Variants in TTC28 observed in about 807,000 individuals in gnomAD.
The protein encoded by TTC28 is tetratricopeptide repeat domain 28.
In TTC28, 61 loss-of-function variants were observed where a neutral mutation model predicts 198.0. That is an observed-to-expected ratio of 0.31 (90% CI 0.25 to 0.38). The LOEUF (loss-of-function observed/expected upper bound fraction) is 0.38. TTC28 is among the 10% of genes least tolerant of loss of function. The pLI is 1.00. For missense variants in TTC28, 2,678 were observed against 3,164.0 expected (o/e 0.85, Z 3.69); for synonymous variants, 1,171 against 1,297.8 (o/e 0.90, Z 2.10).
At chr22:28,286,705 A>AT (rs2044692901) in intron 5 of TTC28, among the ~76,000 whole-genome samples, 1 of 152,222 alleles carries the variant, frequency 6.6e-6, no homozygotes, top group South Asian at 2.1e-4. Flanking sequence ...GGCTGAGCAA[A>AT]TAACACTGTT....
chr22:28,507,299 G>A (rs535268644), intron 2 of TTC28, among the ~76,000 whole-genome samples: 41 of 152,262 alleles, frequency 2.7e-4, no homozygotes, highest in Middle Eastern at 3.4e-3. Context: ...AGACCAAGCC[G>A]AGGAAAGACT....
chr22:28,258,308 T>A (rs1931097927), intron 5 of TTC28, among the ~76,000 whole-genome samples: 1 of 152,146 alleles, frequency 6.6e-6, no homozygotes, highest in African/African-American at 2.4e-5. Context: ...TTCAGTCTTG[T>A]TATTTTCCTT....
chr22:28,588,539 C>T (rs930234165), intron 2 of TTC28, among the ~76,000 whole-genome samples: 1 of 152,174 alleles, frequency 6.6e-6, no homozygotes, highest in African/African-American at 2.4e-5. Context: ...TTACTGGAAG[C>T]AGACACCACT....
At chr22:28,588,215 A>AT (rs944261567) in intron 2 of TTC28, among the ~76,000 whole-genome samples, 16 of 152,248 alleles carry the variant, frequency 1.1e-4, no homozygotes, top group Admixed American at 2.0e-4. Flanking sequence ...TAATTTTAAA[A>AT]ATATATATAA....
chr22:28,285,879 C>T (rs187047112), intron 5 of TTC28, among the ~76,000 whole-genome samples: 2 of 152,200 alleles, frequency 1.3e-5, no homozygotes, highest in Admixed American at 6.5e-5. Context: ...AACAACAAAA[C>T]CCAAAAAACT....
At chr22:28,464,619 A>G (rs2047994309) in intron 2 of TTC28, among the ~76,000 whole-genome samples, 2 of 152,134 alleles carry the variant, frequency 1.3e-5, no homozygotes, top group African/African-American at 4.8e-5. Flanking sequence ...CTTTGGAAGG[A>G]AAAAAAATCT....
At chr22:28,536,485 G>T (rs1214465368) in intron 2 of TTC28, among the ~76,000 whole-genome samples, 2 of 151,808 alleles carry the variant, frequency 1.3e-5, no homozygotes, top group Non-Finnish European at 2.9e-5. Flanking sequence ...TTAGCCAGAC[G>T]TGGTGGCAGG....
At chr22:28,205,976 A>G (rs1926367984) in intron 5 of TTC28, among the ~76,000 whole-genome samples, 1 of 150,574 alleles carries the variant, frequency 6.6e-6, no homozygotes, top group Non-Finnish European at 1.5e-5. Context: ...ACAAAACCCT[A>G]TGTAGCCATG....
In TTC28 at chr22:28,385,461, C is replaced by T. The variant is rs372465606; in HGVS notation, c.382-78818G>A. ...TTTTAATATACTTTTTTACAGTTTA[C>T]ATTTTTAGTTTTAGGTTCACAGCAA... On this transcript the variant is annotated intron_variant, in intron 2 of 22. Coordinates refer to ENST00000397906, the MANE Select transcript of TTC28 (RefSeq NM_001145418.2). Among the ~76,000 whole-genome samples, 41 of 151,712 alleles carry T rather than the reference C, an allele frequency of 2.7e-4. No individual in the cohort carries two copies. The East Asian group carries it at 7.2e-3, about 27-fold the overall frequency.
intron 2 of TTC28, among the ~76,000 whole-genome samples, chr22:28,542,198 T>G (rs1474344073): frequency 1.3e-5 from 2 of 151,962 alleles, no homozygotes; most frequent in African/African-American, 4.8e-5. Context: ...ACTCACTAGA[T>G]AAATTAACCA....
chr22:28,096,451 GCTTA>G (rs779452270), intron 10 of TTC28, 43 bp from the exon 11 acceptor site: 2 of 1,543,822 alleles, frequency 1.3e-6, no homozygotes, highest in South Asian at 1.2e-5. Flanking sequence ...TAGTGAGTGT[GCTTA>G]CTTAGAGAGG....
intron 2 of TTC28, among the ~76,000 whole-genome samples, chr22:28,590,639 A>G (rs915556799): frequency 3.9e-5 from 6 of 152,052 alleles, no homozygotes; most frequent in Non-Finnish European, 5.9e-5. Flanking sequence ...TTTAGAACAA[A>G]TCTGTAAGAA....
At chr22:28,525,545 G>C (rs1209651407) in intron 2 of TTC28, among the ~76,000 whole-genome samples, 7 of 152,182 alleles carry the variant, frequency 4.6e-5, no homozygotes, top group Non-Finnish European at 1.0e-4. Flanking sequence ...CTGAAATTAA[G>C]ATCACTCTAG....
At chr22:28,279,745 C>T (rs1169024585) in intron 5 of TTC28, among the ~76,000 whole-genome samples, 1 of 152,146 alleles carries the variant, frequency 6.6e-6, no homozygotes, top group East Asian at 1.9e-4. Context: ...TTCCCATCAC[C>T]ATATAAAGTA....
chr22:28,489,948 G>A (rs1423534980), intron 2 of TTC28, among the ~76,000 whole-genome samples: 1 of 152,144 alleles, frequency 6.6e-6, no homozygotes, highest in African/African-American at 2.4e-5. Flanking sequence ...GAGCCAGAGA[G>A]CCAGTCTGAG....
At chr22:28,424,195 A>C (rs1403011574) in intron 2 of TTC28, among the ~76,000 whole-genome samples, 1 of 152,216 alleles carries the variant, frequency 6.6e-6, no homozygotes, top group Admixed American at 6.5e-5. Flanking sequence ...GCTCTTAATA[A>C]TTACTTGCCC....
At chr22:28,132,669 T>C (rs1381887036) in intron 6 of TTC28, among the ~76,000 whole-genome samples, 1 of 152,204 alleles carries the variant, frequency 6.6e-6, no homozygotes, top group Non-Finnish European at 1.5e-5. Context: ...CTGAGAGCTT[T>C]ATTCAGATCA....
chr22:28,235,972 A>G (rs1472102940), intron 5 of TTC28, among the ~76,000 whole-genome samples: 1 of 152,212 alleles, frequency 6.6e-6, no homozygotes, highest in Non-Finnish European at 1.5e-5. Context: ...GCTTTCTAAG[A>G]GTCTTCATTG....
intron 12 of TTC28, among the ~76,000 whole-genome samples, chr22:28,064,929 G>C (rs1216714965): frequency 3.3e-5 from 5 of 152,186 alleles, no homozygotes; most frequent in African/African-American, 1.2e-4. Context: ...CCATGTGCAA[G>C]TATCACTTAT....
Sources: gnomAD v4.1 joint callset for allele counts (sites outside exome capture counted in the v4.1 genomes callset) on GRCh38, gnomAD v4.1.1 for gene constraint, MANE v1.5 for transcripts, NCBI Gene and HGNC (gene_info 2026-07-23, HGNC 2026-07-21) for gene names.